The following SLC39A9 variants were observed in gnomAD, a reference collection of about 807,000 sequenced individuals.
SLC39A9 encodes the protein zinc transporter ZIP9.
A neutral mutation model predicts 28.4 loss-of-function variants in SLC39A9; 14 were observed. The ratio of observed to expected loss-of-function variants is 0.49; its 90% CI spans 0.33 to 0.77. The LOEUF is 0.77. Ranked by LOEUF, SLC39A9 falls within the 30% of genes least tolerant of loss-of-function variation. SLC39A9 has a pLI of 0.02. For synonymous variants in SLC39A9, 119 were observed against 149.6 expected (o/e 0.80, Z 1.49); for missense variants, 283 against 381.1 (o/e 0.74, Z 2.14).
At chr14:69,445,912 T>G (rs1885272175) in intron 3 of SLC39A9, among the ~76,000 whole-genome samples, 1 of 152,202 alleles carries the variant, frequency 6.6e-6, no homozygotes, top group South Asian at 2.1e-4. Context: ...ACAATCACAC[T>G]GAAGGGATTT....
At chr14:69,413,244 T>C (rs1281938230) in intron 1 of SLC39A9, among the ~76,000 whole-genome samples, 1 of 152,162 alleles carries the variant, frequency 6.6e-6, no homozygotes, top group African/African-American at 2.4e-5. Flanking sequence ...TAGTCCCAGC[T>C]ACTCGGGAGG....
chr14:69,436,057 C>G (rs1478198395), intron 2 of SLC39A9, among the ~76,000 whole-genome samples: 1 of 151,986 alleles, frequency 6.6e-6, no homozygotes, highest in Non-Finnish European at 1.5e-5. Flanking sequence ...CAGTTCGTTT[C>G]TTTTTATAAG....
At chr14:69,454,484 T>C (rs1363242129) in intron 4 of SLC39A9, among the ~76,000 whole-genome samples, 1 of 152,228 alleles carries the variant, frequency 6.6e-6, no homozygotes, top group East Asian at 1.9e-4. Flanking sequence ...TGTTAGAATT[T>C]GATTAACTAA....
chr14:69,433,772 CTCTTT>C (rs1428306618), intron 2 of SLC39A9, among the ~76,000 whole-genome samples: 1 of 151,910 alleles, frequency 6.6e-6, no homozygotes, highest in Non-Finnish European at 1.5e-5. Flanking sequence ...GTCTTCTCTT[CTCTTT>C]GCTTTTCTTT....
At chr14:69,408,532 G>T (rs1219054759) in intron 1 of SLC39A9, among the ~76,000 whole-genome samples, 1 of 152,214 alleles carries the variant, frequency 6.6e-6, no homozygotes, top group Admixed American at 6.5e-5. Flanking sequence ...TTAGGGAGAA[G>T]TGAGAACTGT....
intron 2 of SLC39A9, among the ~76,000 whole-genome samples, chr14:69,426,342 G>C (rs114352856): frequency 6.6e-6 from 1 of 152,138 alleles, no homozygotes; most frequent in Non-Finnish European, 1.5e-5. Context: ...TTGCAAGAGT[G>C]GGTCACAGAA....
intron 1 of SLC39A9, among the ~76,000 whole-genome samples, chr14:69,417,671 C>T (rs573623561): frequency 9.3e-4 from 142 of 152,256 alleles, no homozygotes; most frequent in African/African-American, 3.3e-3. Context: ...TGTAGTTCTC[C>T]TTGAAGAGGT....
chr14:69,403,826 C>T (rs1882767843), intron 1 of SLC39A9, among the ~76,000 whole-genome samples: 1 of 151,932 alleles, frequency 6.6e-6, no homozygotes, highest in African/African-American at 2.4e-5. Context: ...GGCGAATCAT[C>T]TGAGGTCGGG....
chr14:69,433,701 G>A (rs147903163), intron 2 of SLC39A9, among the ~76,000 whole-genome samples: 299 of 152,208 alleles, frequency 2.0e-3, no homozygotes, highest in African/African-American at 6.8e-3. Flanking sequence ...TTATTTCCTC[G>A]TACTTTTTAA....
In SLC39A9 at chr14:69,461,654, GC is replaced by G; in HGVS notation, c.*3063del. The G allele has an allele frequency of 1.3e-6, 2 of 1,534,046 alleles. No homozygotes were observed. Among genetic ancestry groups the G allele is most frequent in the Admixed American group, 2.0e-5 (1 of 50,700 alleles). ...ATGTGATTGTGTTTTTTTTTTACCA[GC>G]CTACTTCTAAGTGTCACTGCCTGGT... On this transcript the variant is annotated 3_prime_UTR_variant, in exon 7 of 7. Transcript: ENST00000336643.
chr14:69,450,245 C>A (rs932641101), intron 3 of SLC39A9, among the ~76,000 whole-genome samples: 1 of 151,962 alleles, frequency 6.6e-6, no homozygotes, highest in African/African-American at 2.4e-5. Context: ...GCAAAGCTAG[C>A]CTTCTCCCAG....
chr14:69,424,059 A>G, intron 1 of SLC39A9, 35 bp from the exon 2 acceptor site: 1 of 1,534,380 alleles, frequency 6.5e-7, no homozygotes, highest in Non-Finnish European at 9.0e-7. Flanking sequence ...TTAATTAATC[A>G]AAGTTTGCAA....
At chr14:69,415,238 G>T (rs1883503941) in intron 1 of SLC39A9, among the ~76,000 whole-genome samples, 2 of 152,176 alleles carry the variant, frequency 1.3e-5, no homozygotes, top group Admixed American at 1.3e-4. Context: ...ATTTTATGCT[G>T]CCACCAGCAA....
intron 1 of SLC39A9, among the ~76,000 whole-genome samples, chr14:69,415,965 C>T (rs974796707): frequency 6.6e-6 from 1 of 152,046 alleles, no homozygotes; most frequent in African/African-American, 2.4e-5. Flanking sequence ...TACATGTGCA[C>T]AATGTGCAGG....
chr14:69,419,080 C>A (rs1236427030), intron 1 of SLC39A9, among the ~76,000 whole-genome samples: 1 of 151,610 alleles, frequency 6.6e-6, no homozygotes, highest in South Asian at 2.1e-4. Context: ...TTCTCTAGTT[C>A]TTTTGTGATG....
intron 3 of SLC39A9, among the ~76,000 whole-genome samples, chr14:69,450,962 A>G (rs555229138): frequency 2.3e-4 from 35 of 152,326 alleles, no homozygotes; most frequent in African/African-American, 8.2e-4. Context: ...TAAAATGTCA[A>G]TAAAATGTAT....
intron 1 of SLC39A9, among the ~76,000 whole-genome samples, chr14:69,423,066 A>G (rs934238430): frequency 6.6e-6 from 1 of 152,204 alleles, no homozygotes; most frequent in Non-Finnish European, 1.5e-5. Flanking sequence ...ATACATGTTT[A>G]TTGTAGGTAA....
chr14:69,401,333 C>G (rs79231404), intron 1 of SLC39A9, among the ~76,000 whole-genome samples: 6,879 of 152,200 alleles, frequency 0.045, 211 homozygotes, highest in South Asian at 0.11. Flanking sequence ...ACCTGCCTGC[C>G]CAGTACTTTG....
chr14:69,457,489 C>T (rs1231585923), intron 6 of SLC39A9, among the ~76,000 whole-genome samples: 2 of 152,186 alleles, frequency 1.3e-5, no homozygotes, highest in African/African-American at 4.8e-5. Flanking sequence ...GCATGAGCCA[C>T]CACGCCCGGC....
Sources: allele counts gnomAD v4.1 joint callset (sites outside exome capture counted in the v4.1 genomes callset), GRCh38; gene constraint gnomAD v4.1.1; transcripts MANE v1.5; gene names NCBI Gene and HGNC (gene_info 2026-07-23, HGNC 2026-07-21).